ARHGAP18: variants seen among roughly 807,000 people sequenced by gnomAD.
ARHGAP18 encodes rho GTPase-activating protein 18.
Under a neutral mutation model 86.2 loss-of-function variants are expected in ARHGAP18, and 67 were observed. The observed-to-expected ratio is 0.78, with a 90% CI of 0.64 to 0.95. ARHGAP18 has a LOEUF of 0.95. Ranked by LOEUF, ARHGAP18 falls within the 40% of genes least tolerant of loss-of-function variation. The probability of loss-of-function intolerance (pLI) is 0.00; values close to 1 mark genes in which losing one functional copy is unlikely to be tolerated. For missense variants in ARHGAP18, 691 were observed against 780.4 expected (o/e 0.89, Z 1.37); for synonymous variants, 283 against 280.4 (o/e 1.01, Z -0.09).
intron 12 of ARHGAP18, among the ~76,000 whole-genome samples, chr6:129,584,518 T>G (rs536033939): frequency 6.6e-6 from 1 of 152,322 alleles, no homozygotes; most frequent in Non-Finnish European, 1.5e-5. Context: ...ATTCACAAAA[T>G]TTCACAAAAT....
intron 1 of ARHGAP18, among the ~76,000 whole-genome samples, chr6:129,664,921 G>A (rs1774010814): frequency 6.6e-6 from 1 of 152,190 alleles, no homozygotes; most frequent in South Asian, 2.1e-4. Flanking sequence ...GCAGAGACCT[G>A]AATGAAATGG....
chr6:129,657,443 A>AAC (rs1554340053), intron 1 of ARHGAP18, among the ~76,000 whole-genome samples: 1 of 151,980 alleles, frequency 6.6e-6, no homozygotes, highest in Admixed American at 6.6e-5. Flanking sequence ...AAAAAAAAAA[A>AAC]AACAACTTAA....
At chr6:129,669,754 CA>C (rs1159662244) in intron 1 of ARHGAP18, among the ~76,000 whole-genome samples, 1 of 151,012 alleles carries the variant, frequency 6.6e-6, no homozygotes, top group African/African-American at 2.4e-5. Context: ...CACTGCACTC[CA>C]GCCTGGGGAA....
chr6:129,649,806 C>T (rs533031785), intron 1 of ARHGAP18, among the ~76,000 whole-genome samples: 9 of 151,990 alleles, frequency 5.9e-5, no homozygotes, highest in African/African-American at 1.7e-4. Flanking sequence ...GGAAACTTGG[C>T]TTTATCACTT....
At chr6:129,591,467 G>C (rs1026690253) in intron 12 of ARHGAP18, among the ~76,000 whole-genome samples, 76 of 152,236 alleles carry the variant, frequency 5.0e-4, no homozygotes, top group African/African-American at 1.5e-3. Context: ...AACTTCAAGA[G>C]TGTTAATTTC....
At position 129,638,307 on chromosome 6, in the gene ARHGAP18, G is replaced by A. The variant is rs780620486; in HGVS notation, c.552+87C>T. The A allele has an allele frequency of 1.2e-4, 163 of 1,320,910 alleles. 1 individual carries two copies. Among genetic ancestry groups the A allele is most frequent in the South Asian group, 3.6e-4 (29 of 80,914 alleles). 81.8% of individuals were successfully genotyped at this position (1,320,910 alleles called of 1,614,324 possible). A position where few individuals can be genotyped will look rare whatever the true frequency, so the allele number is the denominator to read the frequency against. On this transcript the variant is annotated intron_variant, in intron 3 of 14. Transcript: ENST00000368149. The stretch of plus-strand genomic sequence containing the variant: ...CTGGCATAGAATAGGTGATCATTAC[G>A]TTTTTAATCATTTGAATTAAACCAG...
At chr6:129,613,336 G>A (rs749701276) in intron 7 of ARHGAP18, among the ~76,000 whole-genome samples, 22 of 151,984 alleles carry the variant, frequency 1.4e-4, no homozygotes, top group African/African-American at 4.3e-4. Flanking sequence ...AATTTTAGGC[G>A]AATTATTTTA....
At chr6:129,633,392 G>C (rs890947708) in intron 4 of ARHGAP18, among the ~76,000 whole-genome samples, 5 of 139,214 alleles carry the variant, frequency 3.6e-5, no homozygotes, top group African/African-American at 1.1e-4. Flanking sequence ...CCAAGACGAC[G>C]CCACTGCACT....
intron 5 of ARHGAP18, among the ~76,000 whole-genome samples, chr6:129,625,579 T>G (rs1203428766): frequency 3.9e-5 from 3 of 76,282 alleles, no homozygotes; most frequent in Non-Finnish European, 6.8e-5. Flanking sequence ...CATTATACAT[T>G]ATATATTATA....
chr6:129,641,372 G>A (rs1336732923), intron 2 of ARHGAP18, among the ~76,000 whole-genome samples: 1 of 152,184 alleles, frequency 6.6e-6, no homozygotes, highest in Non-Finnish European at 1.5e-5. Context: ...TTAGAGGACA[G>A]CAGATTATAA....
At chr6:129,652,073 C>T (rs78641237) in intron 1 of ARHGAP18, among the ~76,000 whole-genome samples, 1,638 of 152,330 alleles carry the variant, frequency 0.011, 30 homozygotes, top group African/African-American at 0.035. Flanking sequence ...GTGAGAAATA[C>T]ATTTCTGTTG....
chr6:129,600,678 C>T lies in ARHGAP18; in HGVS notation c.1536G>A (p.Met512Ile). The T allele has an allele frequency of 6.2e-7, 1 of 1,613,674 alleles. No homozygotes were observed. The highest frequency in any genetic ancestry group is 8.5e-7 in the Non-Finnish European group (1 of 1,179,766). ...GTTTTTGGTACTTAATCAATAAGTG[C>T]ATGGTATTTGCTGTCCCAGCTGCCA... is the stretch of plus-strand genomic sequence containing the variant. The part of the protein sequence containing the change: ...FVMAAGTANT[M>I]HLLIKYQKLL... The change falls in exon 11 of 15, where the codon ATG becomes ATA. Residue 512 changes from methionine to isoleucine, a missense_variant. Coordinates refer to ENST00000368149, the MANE Select transcript of ARHGAP18 (RefSeq NM_033515.3).
intron 1 of ARHGAP18, among the ~76,000 whole-genome samples, chr6:129,699,106 G>T (rs537407377): frequency 5.9e-5 from 9 of 152,236 alleles, no homozygotes; most frequent in African/African-American, 2.2e-4. Flanking sequence ...CAAAGTGCTG[G>T]GATTCACAGG....
chr6:129,679,088 T>A (rs1285879149), intron 1 of ARHGAP18, among the ~76,000 whole-genome samples: 1 of 152,232 alleles, frequency 6.6e-6, no homozygotes, highest in Non-Finnish European at 1.5e-5. Context: ...CTCTATAGAA[T>A]ACTGTAGGCA....
At chr6:129,604,211 C>A (rs866381282) in intron 10 of ARHGAP18, among the ~76,000 whole-genome samples, 2 of 151,192 alleles carry the variant, frequency 1.3e-5, no homozygotes, top group Non-Finnish European at 2.9e-5. Flanking sequence ...CTCCCCCCCC[C>A]CTTAATTATA....
chr6:129,613,076 A>G (rs752490527), intron 7 of ARHGAP18, among the ~76,000 whole-genome samples: 1 of 152,066 alleles, frequency 6.6e-6, no homozygotes, highest in Non-Finnish European at 1.5e-5. Flanking sequence ...TACTAAAAAT[A>G]CAAAAAATTA....
chr6:129,674,120 A>G (rs1253181640), intron 1 of ARHGAP18, among the ~76,000 whole-genome samples: 3 of 152,254 alleles, frequency 2.0e-5, no homozygotes, highest in African/African-American at 7.2e-5. Context: ...TTTTATCTAC[A>G]TGAAAAGTAT....
intron 9 of ARHGAP18, 108 bp from the exon 10 acceptor site, chr6:129,606,067 A>T (rs1390317810): frequency 3.0e-6 from 3 of 1,000,946 alleles, no homozygotes; most frequent in Non-Finnish European, 3.0e-6. Flanking sequence ...ACATGACTGT[A>T]AAATGTAAGA....
intron 1 of ARHGAP18, among the ~76,000 whole-genome samples, chr6:129,700,191 C>A (rs1214638905): frequency 6.6e-6 from 1 of 152,196 alleles, no homozygotes; most frequent in Non-Finnish European, 1.5e-5. Context: ...AACAATTATT[C>A]TTTTCTCAAA....
Sources: allele counts gnomAD v4.1 joint callset (sites outside exome capture counted in the v4.1 genomes callset), GRCh38; gene constraint gnomAD v4.1.1; transcripts MANE v1.5; gene names NCBI Gene and HGNC (gene_info 2026-07-23, HGNC 2026-07-21).